Variants in DPP6 observed in about 807,000 individuals in gnomAD.
The protein encoded by DPP6 is A-type potassium channel modulatory protein DPP6.
DPP6 carries 69 observed loss-of-function variants against 122.6 expected under a neutral mutation model. The ratio of observed to expected loss-of-function variants is 0.56; its 90% confidence interval spans 0.46 to 0.69. The LOEUF is 0.69. Ranked by LOEUF, DPP6 falls within the 30% of genes least tolerant of loss-of-function variation. DPP6 has a pLI of 0.00. For synonymous variants in DPP6, 418 were observed against 433.1 expected, an observed-to-expected ratio of 0.97 and a Z score of 0.43; for missense variants, 928 against 1,116.9, an observed-to-expected ratio of 0.83 and a Z score of 2.41.
At chr7:154,795,479 G>A (rs149420894) in intron 11 of DPP6, among the ~76,000 whole-genome samples, 16 of 152,314 alleles carry the variant, frequency 1.1e-4, no homozygotes, top group Non-Finnish European at 2.4e-4. Flanking sequence ...TTCTGACTCA[G>A]TGTAGGCTGA....
chr7:153,766,340 C>T, the DPP6 span, among the ~76,000 whole-genome samples: 1 of 152,198 alleles, frequency 6.6e-6, no homozygotes, highest in Non-Finnish European at 1.5e-5. Context: ...ACTTTAGCCA[C>T]TTGCATTGAG....
At chr7:154,743,950 A>G (rs1447051348) in intron 8 of DPP6, among the ~76,000 whole-genome samples, 4 of 152,210 alleles carry the variant, frequency 2.6e-5, no homozygotes, top group Admixed American at 6.5e-5. Context: ...CGACCCACGC[A>G]GTTCAAACCT....
At chr7:153,900,088 C>T (rs1435699820) in intron 1 of DPP6, among the ~76,000 whole-genome samples, 3 of 152,208 alleles carry the variant, frequency 2.0e-5, no homozygotes, top group Admixed American at 2.0e-4. Flanking sequence ...CCCAGACCTA[C>T]TGAATCAGAA....
intron 1 of DPP6, among the ~76,000 whole-genome samples, chr7:154,148,759 C>A (rs1399573968): frequency 1.3e-5 from 2 of 152,268 alleles, no homozygotes; most frequent in African/African-American, 4.8e-5. Context: ...TTCCAAAATG[C>A]CTCATCCCCA....
intron 2 of DPP6, among the ~76,000 whole-genome samples, chr7:154,459,418 C>T (rs1298194042): frequency 6.6e-6 from 1 of 152,162 alleles, no homozygotes; most frequent in Non-Finnish European, 1.5e-5. Flanking sequence ...GTTGGTACAT[C>T]ATGAAGACAC....
chr7:154,589,157 C>G (rs973961750), intron 5 of DPP6, among the ~76,000 whole-genome samples: 1 of 152,162 alleles, frequency 6.6e-6, no homozygotes, highest in Non-Finnish European at 1.5e-5. Context: ...TGAGCAGGTG[C>G]CTCCTAACGC....
intron 1 of DPP6, among the ~76,000 whole-genome samples, chr7:154,199,018 G>GT (rs548827696): frequency 0.77 from 113,550 of 147,132 alleles, 44,056 homozygotes; most frequent in Non-Finnish European, 0.83. Flanking sequence ...GTTTACTAGG[G>GT]TTTTTTTTTT....
At chr7:154,753,360 A>G (rs1045050868) in intron 8 of DPP6, among the ~76,000 whole-genome samples, 1 of 152,154 alleles carries the variant, frequency 6.6e-6, no homozygotes, top group African/African-American at 2.4e-5. Context: ...AGGGTGACAC[A>G]GGGTGTGTGA....
At chr7:154,097,641 C>T (rs1006870029) in intron 1 of DPP6, among the ~76,000 whole-genome samples, 2 of 152,220 alleles carry the variant, frequency 1.3e-5, no homozygotes, top group African/African-American at 2.4e-5. Context: ...TAAAACTATG[C>T]ACATTTGTTA....
chr7:153,777,963 A>G, the DPP6 span, among the ~76,000 whole-genome samples: 411 of 147,446 alleles, frequency 2.8e-3, 46 homozygotes, highest in African/African-American at 0.011. Flanking sequence ...AACTAACTCT[A>G]TTATAGATGA....
chr7:154,220,571 A>T (rs1243729313), intron 1 of DPP6, among the ~76,000 whole-genome samples: 1 of 152,176 alleles, frequency 6.6e-6, no homozygotes, highest in East Asian at 1.9e-4. Flanking sequence ...AGCCTAAATT[A>T]AAAGTTAAAT....
intron 1 of DPP6, among the ~76,000 whole-genome samples, chr7:154,402,247 G>C (rs1300469353): frequency 6.6e-6 from 1 of 151,842 alleles, no homozygotes; most frequent in Non-Finnish European, 1.5e-5. Context: ...CCCATTACTG[G>C]GTATATACCC....
chr7:154,159,667 A>G (rs569989678), intron 1 of DPP6, among the ~76,000 whole-genome samples: 1 of 152,424 alleles, frequency 6.6e-6, no homozygotes, highest in South Asian at 2.1e-4. Flanking sequence ...GATGTCAGGG[A>G]GCCATCAGGC....
chr7:154,290,675 T>A (rs1340472091), intron 1 of DPP6, among the ~76,000 whole-genome samples: 2 of 151,714 alleles, frequency 1.3e-5, no homozygotes, highest in Non-Finnish European at 2.9e-5. Flanking sequence ...TCCCTCTTGC[T>A]CATGACTCAT....
intron 10 of DPP6, among the ~76,000 whole-genome samples, chr7:154,778,089 C>T (rs1796697068): frequency 6.6e-6 from 1 of 152,170 alleles, no homozygotes; most frequent in Admixed American, 6.5e-5. Context: ...CTTAGAGGAC[C>T]TTTGTTCCTC....
At chr7:153,984,735 A>G (rs1026996775) in intron 1 of DPP6, among the ~76,000 whole-genome samples, 20 of 152,118 alleles carry the variant, frequency 1.3e-4, no homozygotes, top group African/African-American at 4.8e-4. Context: ...ATTTAATTCA[A>G]TTTAATCTTT....
chr7:154,711,370 C>T (rs1841170480), intron 7 of DPP6, among the ~76,000 whole-genome samples: 1 of 152,162 alleles, frequency 6.6e-6, no homozygotes, highest in Admixed American at 6.6e-5. Flanking sequence ...AGACCCCCAT[C>T]TTAATTTAAG....
chr7:154,341,935 G>T lies in DPP6; in HGVS notation c.244-104279G>T, dbSNP rs992951903. Among the ~76,000 whole-genome samples the T allele has an allele frequency of 4.6e-5, 7 of 152,148 alleles. 1 individual carries two copies. Among genetic ancestry groups the T allele is most frequent in the African/African-American group, 1.2e-4 (5 of 41,444 alleles). ...ACAAGAGTTCATAAAAACCGAAGTT[G>T]CTGGGAATGAGTTGCCATTCACCTG... On this transcript the variant is annotated intron_variant, in intron 1 of 25. Transcript: ENST00000377770.
chr7:154,376,973 G>A (rs755314527), intron 1 of DPP6, among the ~76,000 whole-genome samples: 1 of 152,148 alleles, frequency 6.6e-6, no homozygotes, highest in Non-Finnish European at 1.5e-5. Context: ...GGATTCTTAA[G>A]TTGTTTTGGG....
Sources: allele counts gnomAD v4.1 joint callset (sites outside exome capture counted in the v4.1 genomes callset), GRCh38; gene constraint gnomAD v4.1.1; transcripts MANE v1.5; gene names NCBI Gene and HGNC (gene_info 2026-07-23, HGNC 2026-07-21).